CCSER1: variants seen among roughly 807,000 people sequenced by gnomAD.
The protein encoded by CCSER1 is serine-rich coiled-coil domain-containing protein 1.
CCSER1 carries 41 observed loss-of-function variants against 82.0 expected under a neutral mutation model. The ratio of observed to expected loss-of-function variants is 0.50; its 90% CI spans 0.39 to 0.65. The LOEUF is 0.65. CCSER1 is among the 30% of genes least tolerant of loss of function. CCSER1 has a pLI of 0.00. For missense variants in CCSER1, 1,119 were observed against 1,064.2 expected, an observed-to-expected ratio of 1.05 and a Z score of -0.72; for synonymous variants, 414 against 383.9, an observed-to-expected ratio of 1.08 and a Z score of -0.92.
intron 10 of CCSER1, among the ~76,000 whole-genome samples, chr4:91,344,562 CAA>C (rs1403932519): frequency 6.6e-6 from 1 of 150,380 alleles, no homozygotes; most frequent in African/African-American, 2.4e-5. Flanking sequence ...GGAAAAGTAA[CAA>C]AATATTTAGG....
At chr4:90,216,775 A>G (rs1162471325) in intron 1 of CCSER1, among the ~76,000 whole-genome samples, 1 of 152,172 alleles carries the variant, frequency 6.6e-6, no homozygotes, top group Non-Finnish European at 1.5e-5. Flanking sequence ...TCGGTTCCAT[A>G]TGAATTTTAG....
At chr4:90,979,005 C>T (rs1735862329) in intron 9 of CCSER1, among the ~76,000 whole-genome samples, 1 of 151,532 alleles carries the variant, frequency 6.6e-6, no homozygotes, top group South Asian at 2.1e-4. Context: ...TAAATTTATT[C>T]TAGAAGAGGG....
At chr4:91,545,330 C>G (rs1160651212) in intron 10 of CCSER1, among the ~76,000 whole-genome samples, 1 of 152,120 alleles carries the variant, frequency 6.6e-6, no homozygotes, top group African/African-American at 2.4e-5. Context: ...GCTGCACCCA[C>G]TGTCCGACAA....
intron 8 of CCSER1, among the ~76,000 whole-genome samples, chr4:90,902,719 G>T (rs528939132): frequency 5.3e-5 from 8 of 152,184 alleles, no homozygotes; most frequent in Non-Finnish European, 1.0e-4. Context: ...CCTTCTGGCA[G>T]CAGGTTTTTA....
intron 10 of CCSER1, among the ~76,000 whole-genome samples, chr4:91,330,061 C>A (rs1746839960): frequency 6.6e-6 from 1 of 151,970 alleles, no homozygotes; most frequent in Non-Finnish European, 1.5e-5. Context: ...GTTTCTACTT[C>A]ATTAATTTTT....
chr4:90,314,637 A>G (rs1735851652), intron 3 of CCSER1, among the ~76,000 whole-genome samples: 1 of 152,052 alleles, frequency 6.6e-6, no homozygotes, highest in Non-Finnish European at 1.5e-5. Flanking sequence ...CTGTAGTTCC[A>G]GCTACTCAGG....
rs1329165102 is a variant in CCSER1 at position 91,496,697 on chromosome 4, A to AAT, written c.2218-101862_2218-101861dup. 5.8e-4 allele frequency among the ~76,000 whole-genome samples: 17 copies of AAT among 29,370 alleles called. 7 individuals carry two copies. In the East Asian group the frequency reaches 0.039, roughly 67 times the overall value. 19.3% of individuals were successfully genotyped at this position (29,370 alleles called of 152,430 possible). On this transcript the variant is annotated intron_variant, in intron 10 of 10. Coordinates refer to ENST00000509176, the MANE Select transcript of CCSER1 (RefSeq NM_001145065.2). ...AATATATTTGAATATATATATATTCAATATATATATATATTCAATATATAG... is the reference window on the plus strand; with the variant it reads ...AATATATTTGAATATATATATATTCAATATATATATATATATTCAATATATAG...
intron 1 of CCSER1, among the ~76,000 whole-genome samples, chr4:90,305,075 C>G (rs1181252843): frequency 6.6e-6 from 1 of 151,982 alleles, no homozygotes; most frequent in Non-Finnish European, 1.5e-5. Flanking sequence ...CACCACCATG[C>G]CTGGATAATT....
chr4:91,164,262 C>CT (rs993267762), intron 10 of CCSER1, among the ~76,000 whole-genome samples: 1 of 152,182 alleles, frequency 6.6e-6, no homozygotes, highest in African/African-American at 2.4e-5. Flanking sequence ...TTGACCCCCA[C>CT]TTTTTTCTGG....
intron 10 of CCSER1, among the ~76,000 whole-genome samples, chr4:91,086,812 G>A (rs1723441996): frequency 6.6e-6 from 1 of 151,908 alleles, no homozygotes; most frequent in Non-Finnish European, 1.5e-5. Context: ...CCAGTTGCAT[G>A]ATTTTAGTAT....
chr4:90,598,440 A>G (rs1173205087), intron 5 of CCSER1, among the ~76,000 whole-genome samples: 3 of 152,086 alleles, frequency 2.0e-5, no homozygotes, highest in Non-Finnish European at 4.4e-5. Flanking sequence ...ACAGCATGCT[A>G]TAGTTTCCTT....
intron 10 of CCSER1, among the ~76,000 whole-genome samples, chr4:91,189,137 A>T (rs957268960): frequency 2.0e-5 from 3 of 152,106 alleles, no homozygotes; most frequent in Admixed American, 2.0e-4. Flanking sequence ...AAAGAAAGTA[A>T]ACATTTTGGT....
chr4:90,464,790 A>G (rs200653804), intron 4 of CCSER1, among the ~76,000 whole-genome samples: 2 of 152,312 alleles, frequency 1.3e-5, no homozygotes, highest in South Asian at 4.1e-4. Flanking sequence ...TGTTTTTTAT[A>G]TTACATTATA....
rs573521004 is a variant in CCSER1, at chr4:90,138,031, T to G, written c.-42+10200T>G. On this transcript the variant is annotated intron_variant, in intron 1 of 10. Transcript: ENST00000509176. ...ATCATAATTCACTGCTTGTTTGTACTTAATGCTCAGTAGATGGTGAGCTCT... is the reference window on the plus strand; with the variant it reads ...ATCATAATTCACTGCTTGTTTGTACGTAATGCTCAGTAGATGGTGAGCTCT... Among the ~76,000 whole-genome samples the G allele has an allele frequency of 2.6e-5, 4 of 152,336 alleles. No individual in the cohort carries two copies. In the South Asian group the frequency reaches 8.3e-4, roughly 32 times the overall value.
intron 5 of CCSER1, among the ~76,000 whole-genome samples, chr4:90,517,874 C>T (rs1772508654): frequency 6.6e-6 from 1 of 152,006 alleles, no homozygotes; most frequent in South Asian, 2.1e-4. Context: ...TCAGATTAAT[C>T]ATCCTGGCTT....
chr4:91,004,016 C>T (rs1302338197), intron 9 of CCSER1, among the ~76,000 whole-genome samples: 1 of 152,204 alleles, frequency 6.6e-6, no homozygotes. Context: ...GGTGTGTGTT[C>T]AGGGGCAGAC....
intron 10 of CCSER1, among the ~76,000 whole-genome samples, chr4:91,562,704 T>A (rs1361849781): frequency 6.6e-6 from 1 of 151,574 alleles, no homozygotes; most frequent in South Asian, 2.1e-4. Flanking sequence ...GCAGAGAGTT[T>A]TAGATTGTAC....
chr4:91,418,705 C>A (rs1167322509), intron 10 of CCSER1, among the ~76,000 whole-genome samples: 1 of 151,952 alleles, frequency 6.6e-6, no homozygotes, highest in Non-Finnish European at 1.5e-5. Flanking sequence ...AAACACCTCC[C>A]AAACTCATTT....
chr4:91,139,102 T>A (rs1174757378), intron 10 of CCSER1, among the ~76,000 whole-genome samples: 1 of 152,162 alleles, frequency 6.6e-6, no homozygotes, highest in Non-Finnish European at 1.5e-5. Flanking sequence ...ACTCAGTGTT[T>A]AGCTCCTGCT....
Sources: allele counts gnomAD v4.1 joint callset (sites outside exome capture counted in the v4.1 genomes callset), GRCh38; gene constraint gnomAD v4.1.1; transcripts MANE v1.5; gene names NCBI Gene and HGNC (gene_info 2026-07-23, HGNC 2026-07-21).